Variants in ZNF143 observed in about 807,000 individuals in gnomAD.
ZNF143 encodes the protein zinc finger protein 143.
In ZNF143, 49 loss-of-function variants were observed where a neutral mutation model predicts 74.1. The ratio of observed to expected loss-of-function variants is 0.66; its 90% CI spans 0.53 to 0.84. ZNF143 has a LOEUF of 0.84. Ranked by LOEUF, ZNF143 falls within the 40% of genes least tolerant of loss-of-function variation. ZNF143 has a pLI of 0.00. For synonymous variants in ZNF143, 304 were observed against 282.8 expected, an observed-to-expected ratio of 1.07 and a Z score of -0.75; for missense variants, 637 against 793.4, an observed-to-expected ratio of 0.80 and a Z score of 2.37.
chr11:9,488,124 C>A (rs933014636), intron 7 of ZNF143, among the ~76,000 whole-genome samples: 2 of 152,178 alleles, frequency 1.3e-5, no homozygotes, highest in African/African-American at 4.8e-5. Flanking sequence ...GTGGCACATA[C>A]CTGTAGTCCC....
At chr11:9,462,260 CTT>C (rs67444530) in intron 1 of ZNF143, among the ~76,000 whole-genome samples, 79 of 144,234 alleles carry the variant, frequency 5.5e-4, no homozygotes, top group Admixed American at 6.9e-4. Context: ...ACTTGAGTGC[CTT>C]TTTTTTTTTT....
chr11:9,500,710 A>G (rs547650655), intron 10 of ZNF143, among the ~76,000 whole-genome samples: 37 of 152,348 alleles, frequency 2.4e-4, no homozygotes, highest in Admixed American at 9.1e-4. Context: ...TGTAGAATAA[A>G]TCAAGTAGGA....
At chr11:9,487,453 G>A (rs895516548) in intron 7 of ZNF143, among the ~76,000 whole-genome samples, 2 of 151,350 alleles carry the variant, frequency 1.3e-5, no homozygotes, top group African/African-American at 2.5e-5. Context: ...TCCGCCTCCC[G>A]GGTTCATGCT....
chr11:9,510,693 G>A (rs1848509338), intron 12 of ZNF143, among the ~76,000 whole-genome samples: 1 of 152,010 alleles, frequency 6.6e-6, no homozygotes, highest in Admixed American at 6.6e-5. Flanking sequence ...GAATTGAGAA[G>A]TACTCTTAGA....
At chr11:9,499,502 G>C (rs1307633542) in intron 10 of ZNF143, among the ~76,000 whole-genome samples, 2 of 152,148 alleles carry the variant, frequency 1.3e-5, no homozygotes, top group Non-Finnish European at 2.9e-5. Context: ...TTTTGGAATG[G>C]TTTCCACCAA....
At chr11:9,491,532 A>G (rs950301953) in intron 7 of ZNF143, among the ~76,000 whole-genome samples, 1 of 151,942 alleles carries the variant, frequency 6.6e-6, no homozygotes, top group African/African-American at 2.4e-5. Context: ...CCAGCTACTC[A>G]GGAGGCTGAG....
rs542486364 is a variant in ZNF143 at position 9,485,005 on chromosome 11, G to A, written c.645+5459G>A. On this transcript the variant is annotated intron_variant, in intron 7 of 15. Transcript: ENST00000396602. ...GTAGAGACAGGGTTTCACTGTGTTA[G>A]CCAGGATGGTCTCCATCTCCTGACC... is the stretch of plus-strand genomic sequence containing the variant. 4.0e-5 allele frequency among the ~76,000 whole-genome samples: 6 copies of A among 148,416 alleles called. No individual in the cohort carries two copies. The South Asian group carries it at 1.3e-3, about 32-fold the overall frequency.
intron 11 of ZNF143, 95 bp from the exon 12 acceptor site, chr11:9,508,524 T>TAA (rs1848437972): frequency 8.9e-7 from 1 of 1,119,720 alleles, no homozygotes; most frequent in Non-Finnish European, 1.3e-6. Context: ...GGCAATTCTT[T>TAA]ATTTTTAGAG....
chr11:9,512,546 T>C lies in ZNF143; in HGVS notation c.1474T>C (p.Ser492Pro). The C allele has an allele frequency of 6.2e-7, 1 of 1,614,186 alleles. No homozygotes were observed. The highest frequency in any genetic ancestry group is 1.7e-5 in the Admixed American group (1 of 60,008). The change falls in exon 13 of 16, where the codon TCT becomes CCT. Residue 492 changes from serine to proline, a missense_variant. Physicochemically the swap from Ser to Pro is moderately conservative, Grantham distance 74. This residue lies in a region of ZNF143 where 344 missense variants were observed against 485.6 expected (regional missense o/e 0.71). Coordinates refer to ENST00000396602, the MANE Select transcript of ZNF143 (RefSeq NM_003442.6). ...VSTQVATVTQ[S>P]GLSQQVTLIS... Reference sequence around the variant, plus strand: ...TACACAAGTAGCCACAGTAACCCAATCTGGACTGAGTCAACAAGTTACACT... The same window carrying C: ...TACACAAGTAGCCACAGTAACCCAACCTGGACTGAGTCAACAAGTTACACT...
chr11:9,471,232 A>T, intron 1 of ZNF143, 70 bp from the exon 2 acceptor site: 1 of 1,316,722 alleles, frequency 7.6e-7, no homozygotes, highest in Admixed American at 2.3e-5. Flanking sequence ...TGTGGTTCAT[A>T]AATATTCTTT....
chr11:9,499,565 C>T (rs186163484), intron 10 of ZNF143, among the ~76,000 whole-genome samples: 2 of 152,242 alleles, frequency 1.3e-5, no homozygotes, highest in Admixed American at 6.5e-5. Context: ...ACTAGCCAGT[C>T]GTGGTAGCAT....
At chr11:9,511,658 G>A (rs1330880280) in intron 12 of ZNF143, among the ~76,000 whole-genome samples, 3 of 151,416 alleles carry the variant, frequency 2.0e-5, no homozygotes, top group East Asian at 1.9e-4. Context: ...GACTGGTCGC[G>A]AACTCCCAAC....
intron 7 of ZNF143, among the ~76,000 whole-genome samples, chr11:9,490,389 A>T (rs765875628): frequency 2.1e-5 from 3 of 145,174 alleles, no homozygotes; most frequent in Non-Finnish European, 3.0e-5. Context: ...TCCTGGGTTC[A>T]AGCAGTCCTC....
chr11:9,471,324 A>G lies in ZNF143; in HGVS notation c.16A>G (p.Ile6Val). 6.2e-7 allele frequency: 1 copy of G among 1,611,474 alleles called. No individual in the cohort carries two copies. Among genetic ancestry groups the G allele is most frequent in the Non-Finnish European group, 8.5e-7 (1 of 1,179,212 alleles). Residue 6 changes from isoleucine (I) to valine (V), a missense_variant, in exon 2 of 16, where the codon ATA (isoleucine) becomes GTA (valine). Transcript: ENST00000396602. MLLAQINRDSQGMTEF... is the reference protein window; with the variant it reads MLLAQVNRDSQGMTEF... ...AAGGTAGAAGATGTTGTTAGCCCAA[A>G]TAAATCGAGATTCTCAGGGAATGAC...
chr11:9,511,973 G>C (rs991521802), intron 12 of ZNF143, among the ~76,000 whole-genome samples: 1 of 150,372 alleles, frequency 6.7e-6, no homozygotes, highest in Non-Finnish European at 1.5e-5. Context: ...GGATGGTCTC[G>C]ATCTCCTGAC....
chr11:9,501,749 G>A (rs1012092057), intron 11 of ZNF143, among the ~76,000 whole-genome samples: 1 of 151,986 alleles, frequency 6.6e-6, no homozygotes, highest in South Asian at 2.1e-4. Flanking sequence ...GTATGAAAAA[G>A]CATGATACTC....
intron 9 of ZNF143, 75 bp downstream of exon 9, chr11:9,496,453 AC>A: frequency 8.0e-7 from 1 of 1,257,248 alleles, no homozygotes; most frequent in Non-Finnish European, 1.2e-6. Flanking sequence ...GAAGGAACTG[AC>A]CCCTTGGCTG....
chr11:9,483,558 G>A (rs1847337977), intron 7 of ZNF143, among the ~76,000 whole-genome samples: 1 of 148,764 alleles, frequency 6.7e-6, no homozygotes, highest in African/African-American at 2.5e-5. Flanking sequence ...GCCTCCCAAA[G>A]TGCTGGGACC....
At chr11:9,469,215 C>CTT (rs33968880) in intron 1 of ZNF143, among the ~76,000 whole-genome samples, 33 of 97,454 alleles carry the variant, frequency 3.4e-4, no homozygotes, top group African/African-American at 4.7e-4. Flanking sequence ...CAGCAGGGGT[C>CTT]TTTTTTTTTT....
Sources: gnomAD v4.1 joint callset for allele counts (sites outside exome capture counted in the v4.1 genomes callset) on GRCh38, gnomAD v4.1.1 for gene constraint, gnomAD v4.1.1 regional missense constraint, MANE v1.5 for transcripts, NCBI Gene and HGNC (gene_info 2026-07-23, HGNC 2026-07-21) for gene names.